The following SYT16 variants were observed in gnomAD, a reference collection of about 807,000 sequenced individuals.
The protein encoded by SYT16 is synaptotagmin-16.
In SYT16, 42 loss-of-function variants were observed where a neutral mutation model predicts 61.4. The ratio of observed to expected loss-of-function variants is 0.68; its 90% CI spans 0.53 to 0.89. SYT16 has a LOEUF of 0.89. Among genes scored for constraint, SYT16 ranks in the 40% least tolerant of loss-of-function variants. SYT16 has a pLI of 0.00. For missense variants in SYT16, 804 were observed against 807.3 expected (o/e 1.00, Z 0.05); for synonymous variants, 314 against 302.3 (o/e 1.04, Z -0.40).
intron 1 of SYT16, among the ~76,000 whole-genome samples, chr14:61,959,803 A>C (rs1034099814): frequency 1.3e-5 from 2 of 152,066 alleles, no homozygotes; most frequent in African/African-American, 4.8e-5. Flanking sequence ...CTTGTAAGGC[A>C]GGTCTAATGG....
chr14:61,891,652 T>A (rs2048134923), intron 1 of SYT16, among the ~76,000 whole-genome samples: 1 of 152,126 alleles, frequency 6.6e-6, no homozygotes, highest in Non-Finnish European at 1.5e-5. Context: ...GTAGAACAAC[T>A]TATTAGAACA....
chr14:61,851,498 A>T (rs1196027669), intron 1 of SYT16, among the ~76,000 whole-genome samples: 4 of 152,178 alleles, frequency 2.6e-5, no homozygotes, highest in Non-Finnish European at 5.9e-5. Flanking sequence ...TGTCTTCCAC[A>T]ATGGTTGAAC....
intron 1 of SYT16, among the ~76,000 whole-genome samples, chr14:61,837,893 C>T (rs577546169): frequency 3.3e-5 from 5 of 152,306 alleles, no homozygotes; most frequent in Admixed American, 3.3e-4. Flanking sequence ...ATTGCTTCTG[C>T]CTTTAGCTTT....
intron 2 of SYT16, among the ~76,000 whole-genome samples, chr14:61,989,167 T>C (rs1473455444): frequency 2.6e-5 from 4 of 152,186 alleles, no homozygotes; most frequent in Non-Finnish European, 5.9e-5. Context: ...TGGTATTAGC[T>C]CATTAGGGAA....
intron 5 of SYT16, among the ~76,000 whole-genome samples, chr14:62,079,141 T>G (rs1285921948): frequency 6.6e-6 from 1 of 152,216 alleles, no homozygotes; most frequent in African/African-American, 2.4e-5. Context: ...ACTTGATTTT[T>G]GAGTTGGCCT....
rs1250844572 is a variant in SYT16, at chr14:62,081,285, T to C, written c.1434+11T>C. 1 of 1,608,072 alleles carries C rather than the reference T, an allele frequency of 6.2e-7. No homozygotes were observed. The highest frequency in any genetic ancestry group is 2.2e-5 in the East Asian group (1 of 44,776). Reference sequence around the variant, plus strand: ...AGAAGTAATATAAGCGTGAGTATGTTAAATGGTGCTGCTAATGATGTGGTG... The same window carrying C: ...AGAAGTAATATAAGCGTGAGTATGTCAAATGGTGCTGCTAATGATGTGGTG... On this transcript the variant is annotated intron_variant, in intron 6 of 7. Transcript: ENST00000683842.
At chr14:62,078,782 A>G (rs2140967758) in intron 5 of SYT16, among the ~76,000 whole-genome samples, 1 of 152,348 alleles carries the variant, frequency 6.6e-6, no homozygotes, top group South Asian at 2.1e-4. Flanking sequence ...GCAGCTGTCT[A>G]AGCCTTGGCG....
At chr14:61,853,737 T>C (rs1306589958) in intron 1 of SYT16, among the ~76,000 whole-genome samples, 1 of 152,132 alleles carries the variant, frequency 6.6e-6, no homozygotes, top group African/African-American at 2.4e-5. Context: ...GACACTTACA[T>C]GTTGCAAATG....
At chr14:61,839,916 G>T (rs2046254722) in intron 1 of SYT16, among the ~76,000 whole-genome samples, 1 of 151,406 alleles carries the variant, frequency 6.6e-6, no homozygotes. Flanking sequence ...GGAAAGAGGA[G>T]GGGAGGGGAG....
intron 1 of SYT16, among the ~76,000 whole-genome samples, chr14:61,929,434 A>G (rs1345591244): frequency 6.6e-6 from 1 of 152,234 alleles, no homozygotes; most frequent in Non-Finnish European, 1.5e-5. Context: ...GAGATTCACA[A>G]AAAGATGTGC....
At chr14:62,073,770 A>C (rs1403864741) in intron 4 of SYT16, among the ~76,000 whole-genome samples, 1 of 152,202 alleles carries the variant, frequency 6.6e-6, no homozygotes, top group Non-Finnish European at 1.5e-5. Flanking sequence ...AACCCCTGTC[A>C]CCACCACTCA....
intron 3 of SYT16, among the ~76,000 whole-genome samples, chr14:62,021,678 A>G (rs61993247): frequency 0.27 from 40,639 of 151,762 alleles, 6,696 homozygotes; most frequent in East Asian, 0.66. Flanking sequence ...AATGGACTAA[A>G]AGGGAGGCTT....
At chr14:62,092,736 TG>T (rs1198042125) in intron 7 of SYT16, among the ~76,000 whole-genome samples, 1 of 151,028 alleles carries the variant, frequency 6.6e-6, no homozygotes, top group African/African-American at 2.4e-5. Flanking sequence ...GAGAGGGAAA[TG>T]GGGAGTTATC....
At chr14:62,097,609 A>T (rs951776202) in intron 7 of SYT16, among the ~76,000 whole-genome samples, 3 of 152,198 alleles carry the variant, frequency 2.0e-5, no homozygotes, top group Admixed American at 6.5e-5. Flanking sequence ...TCCGTTTTGA[A>T]CTAGAACAAT....
chr14:61,932,415 G>T (rs1479558835), intron 1 of SYT16, among the ~76,000 whole-genome samples: 1 of 152,224 alleles, frequency 6.6e-6, no homozygotes, highest in Non-Finnish European at 1.5e-5. Flanking sequence ...GGCTGGGGAG[G>T]CCTCAGGAAA....
intron 3 of SYT16, among the ~76,000 whole-genome samples, chr14:62,016,668 A>G (rs1173747492): frequency 2.0e-5 from 3 of 152,044 alleles, no homozygotes; most frequent in South Asian, 2.1e-4. Flanking sequence ...AGCTGAGATC[A>G]CACCACTGCA....
intron 3 of SYT16, among the ~76,000 whole-genome samples, chr14:62,042,295 G>A (rs897098093): frequency 3.3e-5 from 5 of 151,938 alleles, no homozygotes; most frequent in African/African-American, 1.2e-4. Context: ...GAGCCACCAC[G>A]CCCAGCCCAA....
rs183260637 is a variant in SYT16 at position 61,938,862 on chromosome 14, C to T, written c.-324-31270C>T. On this transcript the variant is annotated intron_variant, in intron 1 of 7. Coordinates refer to ENST00000683842, the MANE Select transcript of SYT16 (RefSeq NM_001367656.1). ...AAAAGGACAGACATGAGGCTGGGTGCGGTGGCTCACGCCTGTAATTCCAGC... is the reference window on the plus strand; with the variant it reads ...AAAAGGACAGACATGAGGCTGGGTGTGGTGGCTCACGCCTGTAATTCCAGC... Among the ~76,000 whole-genome samples, 391 of 152,234 alleles carry T rather than the reference C, an allele frequency of 2.6e-3. 1 individual carries two copies. The highest frequency in any genetic ancestry group is 7.1e-3 in the African/African-American group (294 of 41,532).
At chr14:61,839,078 G>A (rs1206062405) in intron 1 of SYT16, among the ~76,000 whole-genome samples, 2 of 151,848 alleles carry the variant, frequency 1.3e-5, no homozygotes, top group African/African-American at 4.8e-5. Flanking sequence ...AGTGCTAGGA[G>A]AGGAATACAG....
Sources: gnomAD v4.1 joint callset for allele counts (sites outside exome capture counted in the v4.1 genomes callset) on GRCh38, gnomAD v4.1.1 for gene constraint, MANE v1.5 for transcripts, NCBI Gene and HGNC (gene_info 2026-07-23, HGNC 2026-07-21) for gene names.